Variants in SEC31A observed in about 807,000 individuals in gnomAD.
SEC31A encodes SEC31 homolog A, COPII component, also known as protein transport protein Sec31A.
In SEC31A, 70 loss-of-function variants were observed where a neutral mutation model predicts 151.0. The observed-to-expected ratio is 0.46, with a 90% CI of 0.38 to 0.57. SEC31A has a LOEUF of 0.57. SEC31A is among the 20% of genes least tolerant of loss of function. The probability of loss-of-function intolerance (pLI) is 0.00; values close to 1 mark genes in which losing one functional copy is unlikely to be tolerated. For synonymous variants in SEC31A, 475 were observed against 505.9 expected, an observed-to-expected ratio of 0.94 and a Z score of 0.82; for missense variants, 1,330 against 1,471.2, an observed-to-expected ratio of 0.90 and a Z score of 1.57.
Position 82,888,899 on chromosome 4 carries a change from T to C in SEC31A, c.-5+2189A>G, listed in dbSNP as rs532345087. On this transcript the variant is annotated intron_variant, in intron 1 of 26. Transcript: ENST00000395310. The stretch of plus-strand genomic sequence containing the variant: ...GAAAAATACCAACCTTGCAATGCTA[T>C]ATACAGAGCTGATCCATAACTCAGA... Among the ~76,000 whole-genome samples, 16 of 152,300 alleles carry C rather than the reference T, an allele frequency of 1.1e-4. 2 individuals carry two copies. The South Asian group carries it at 3.3e-3, about 32-fold the overall frequency.
At position 82,826,498 on chromosome 4, in the gene SEC31A, C is replaced by T. The variant is rs1248083571; in HGVS notation, c.3291+871G>A. ...CCTCCCGAGTAGCTGGGACTACAGGCGCCGCCACCACGCCCAGCTAATTTT... is the reference window on the plus strand; with the variant it reads ...CCTCCCGAGTAGCTGGGACTACAGGTGCCGCCACCACGCCCAGCTAATTTT... On this transcript the variant is annotated intron_variant, in intron 24 of 26. Coordinates refer to ENST00000395310, the MANE Select transcript of SEC31A (RefSeq NM_001077207.4). 5.9e-5 allele frequency among the ~76,000 whole-genome samples: 9 copies of T among 152,248 alleles called. No individual in the cohort carries two copies. In the East Asian group the frequency reaches 9.7e-4, roughly 16 times the overall value.
intron 1 of SEC31A, among the ~76,000 whole-genome samples, chr4:82,884,592 G>C (rs1279535669): frequency 6.6e-6 from 1 of 152,064 alleles, no homozygotes; most frequent in Non-Finnish European, 1.5e-5. Flanking sequence ...TTTATATGAG[G>C]GCTCACTCTA....
At chr4:82,860,604 C>G (rs1213182884) in intron 14 of SEC31A, among the ~76,000 whole-genome samples, 1 of 152,052 alleles carries the variant, frequency 6.6e-6, no homozygotes, top group Non-Finnish European at 1.5e-5. Flanking sequence ...TCCCAAATAG[C>G]TAGGACTACA....
chr4:82,866,512 T>C (rs1344319673), intron 10 of SEC31A, among the ~76,000 whole-genome samples: 4 of 151,764 alleles, frequency 2.6e-5, no homozygotes, highest in African/African-American at 9.7e-5. Context: ...AGGGGAGGAA[T>C]ATAAAGTGTT....
intron 14 of SEC31A, among the ~76,000 whole-genome samples, chr4:82,861,334 T>A (rs535348084): frequency 3.9e-4 from 59 of 152,326 alleles, no homozygotes; most frequent in Non-Finnish European, 6.5e-4. Context: ...TGAGGATGTT[T>A]GAATAAAATC....
chr4:82,893,554 G>A (rs1037176475), upstream of SEC31A: 1 of 152,132 alleles, frequency 6.6e-6, no homozygotes, highest in Non-Finnish European at 1.5e-5. Context: ...GTTTTAGTTT[G>A]TTTCTGAATG....
rs1336987645 is a variant in SEC31A, at chr4:82,881,867, G to A, written c.70C>T (p.Leu24=). Residue 24 remains leucine, a synonymous_variant, in exon 2 of 27, where the codon CTA becomes TTA. Coordinates refer to ENST00000395310, the MANE Select transcript of SEC31A (RefSeq NM_001077207.4). ...TCTCCTTTGAACTTACCTGTTGCTA[G>A]GTAAATGGGGTGATTCTGGGCAGGG... The part of the protein sequence containing the change: ...WSPAQNHPIY[L]ATGTSAQQLD... 1 of 1,613,490 alleles carries A rather than the reference G, an allele frequency of 6.2e-7. No individual in the cohort carries two copies. The highest frequency in any genetic ancestry group is 1.7e-5 in the Admixed American group (1 of 60,028).
chr4:82,846,373 A>ATAATAATAC (rs1193156437), intron 20 of SEC31A, among the ~76,000 whole-genome samples: 1 of 145,120 alleles, frequency 6.9e-6, no homozygotes, highest in Non-Finnish European at 1.5e-5. Flanking sequence ...AAACATAATA[A>ATAATAATAC]TAATAATAAT....
chr4:82,872,205 T>TG, intron 6 of SEC31A, 119 bp from the exon 7 acceptor site: 7 of 782,228 alleles, frequency 8.9e-6, no homozygotes, highest in Non-Finnish European at 1.0e-5. Flanking sequence ...TGGCTTATTT[T>TG]ATTTATGATC....
At position 82,821,076 on chromosome 4, in the gene SEC31A, T is replaced by C; in HGVS notation, c.3444A>G (p.Lys1148=). 1 of 1,614,086 alleles carries C rather than the reference T, an allele frequency of 6.2e-7. No homozygotes were observed. The change falls in exon 26 of 27, where the codon AAA becomes AAG. Residue 1148 remains lysine (K), a synonymous_variant. Transcript: ENST00000395310. ...GTTTATCATACAGAAACTCCAAACG[T>C]TTGCTGGCATCATCTAGCTTCCTCT... ...QTKRKLDDAS[K]RLEFLYDKLR...
chr4:82,872,561 A>G (rs1736973782), intron 6 of SEC31A, among the ~76,000 whole-genome samples: 1 of 152,246 alleles, frequency 6.6e-6, no homozygotes, highest in Non-Finnish European at 1.5e-5. Flanking sequence ...CTTAAACAGT[A>G]GTCTTAAAAG....
chr4:82,858,817 C>G (rs1733382817), intron 14 of SEC31A, among the ~76,000 whole-genome samples: 1 of 151,578 alleles, frequency 6.6e-6, no homozygotes. Flanking sequence ...ATTTTCCTGC[C>G]TCAGCCTCCC....
At chr4:82,879,450 TAAG>T (rs1479328286) in intron 3 of SEC31A, among the ~76,000 whole-genome samples, 3 of 151,560 alleles carry the variant, frequency 2.0e-5, no homozygotes, top group Non-Finnish European at 4.4e-5. Flanking sequence ...TGAAATTTTC[TAAG>T]AAAAAGAATG....
intron 3 of SEC31A, among the ~76,000 whole-genome samples, chr4:82,880,023 T>A (rs908582291): frequency 1.3e-5 from 2 of 151,952 alleles, no homozygotes; most frequent in African/African-American, 4.8e-5. Context: ...AAAAAAGAAC[T>A]CTATACAAAA....
intron 1 of SEC31A, among the ~76,000 whole-genome samples, chr4:82,884,900 A>G (rs981789423): frequency 7.9e-5 from 12 of 152,224 alleles, no homozygotes; most frequent in Non-Finnish European, 1.6e-4. Context: ...GGACCGAAAC[A>G]GTGAATTAAG....
rs1207207863 is a variant in SEC31A, at chr4:82,900,415, T to A, written c.-255A>T. ...GTTCCTGGATTCGCCTCAATTTTGGTCCTGCCTCTCTGCTTCGCATTTTCA... is the reference window on the plus strand; with the variant it reads ...GTTCCTGGATTCGCCTCAATTTTGGACCTGCCTCTCTGCTTCGCATTTTCA... On this transcript the variant is annotated 5_prime_UTR_variant, in exon 1 of 29. Coordinates refer to the SEC31A transcript ENST00000355196. 5 of 234,624 alleles carry A rather than the reference T, an allele frequency of 2.1e-5. No individual in the cohort carries two copies. The East Asian group carries it at 5.8e-4, about 27-fold the overall frequency. 14.5% of individuals were successfully genotyped at this position (234,624 alleles called of 1,614,324 possible).
At chr4:82,875,210 T>C (rs1737630332) in intron 5 of SEC31A, among the ~76,000 whole-genome samples, 1 of 152,178 alleles carries the variant, frequency 6.6e-6, no homozygotes, top group Non-Finnish European at 1.5e-5. Flanking sequence ...TAGAGCCAGT[T>C]ACAATGGCTA....
intron 6 of SEC31A, 115 bp from the exon 7 acceptor site, chr4:82,872,201 A>ATATTG: frequency 1.3e-6 from 1 of 792,562 alleles, no homozygotes. Flanking sequence ...GCTGTGGCTT[A>ATATTG]TTTTATTTAT....
At chr4:82,899,104 A>G (rs1275408139) in intron 3 of SEC31A, among the ~76,000 whole-genome samples, 4 of 152,256 alleles carry the variant, frequency 2.6e-5, no homozygotes, top group Admixed American at 2.6e-4. Context: ...GAAGCCAGTC[A>G]CAAAGACCAT....
Sources: allele counts gnomAD v4.1 joint callset (sites outside exome capture counted in the v4.1 genomes callset), GRCh38; gene constraint gnomAD v4.1.1; transcripts MANE v1.5; gene names NCBI Gene and HGNC (gene_info 2026-07-23, HGNC 2026-07-21).